Variants in EOMES observed in about 807,000 individuals in gnomAD.
EOMES encodes eomesodermin homolog.
In EOMES, 18 loss-of-function variants were observed where a neutral mutation model predicts 61.0. The observed-to-expected ratio is 0.30, with a 90% CI of 0.20 to 0.44. The LOEUF is 0.44. Ranked by LOEUF, EOMES falls within the 20% of genes least tolerant of loss-of-function variation. The pLI is 1.00. For missense variants in EOMES, 885 were observed against 939.2 expected (o/e 0.94, Z 0.75); for synonymous variants, 430 against 394.0 (o/e 1.09, Z -1.08).
In EOMES at chr3:27,721,928, CGGCGGCGG is replaced by C. The variant is rs2060618352; in HGVS notation, c.359_366del (p.Ala120GlyfsTer59). The stretch of plus-strand genomic sequence containing the variant: ...GTGGCCGCAGCCGCGGCGGCGGCGG[CGGCGGCGG>C]CTGCAGCGGCGGAGGGCAGCTCCTC... On this transcript the variant is annotated frameshift_variant, in exon 1 of 6. Transcript: ENST00000449599. LOFTEE classifies it high-confidence loss of function. The surrounding 1 kb of genome is among the most constrained non-coding windows in gnomAD (Gnocchi z 7.4). 1.4e-5 allele frequency: 19 copies of C among 1,366,268 alleles called. 1 individual carries two copies. Among genetic ancestry groups the C allele is most frequent in the South Asian group, 1.2e-4 (6 of 48,902 alleles). 84.6% of individuals were successfully genotyped at this position (1,366,268 alleles called of 1,614,324 possible). A position where few individuals can be genotyped will look rare whatever the true frequency, so the allele number is the denominator to read the frequency against.
In EOMES at chr3:27,718,783, G is replaced by C; in HGVS notation, c.1269C>G (p.Thr423=). The change falls in exon 4 of 6, where the codon ACC becomes ACG. Residue 423 remains threonine (T), a synonymous_variant. Transcript: ENST00000449599. ...CTGCAATGAATTGCGTTTCTGAGAAGGTAAAAGTCTGGGTCTTTGAGGGCT... is the reference window on the plus strand; with the variant it reads ...CTGCAATGAATTGCGTTTCTGAGAACGTAAAAGTCTGGGTCTTTGAGGGCT... ...LNEPSKTQTF[T]FSETQFIAVT... 1.2e-6 allele frequency: 2 copies of C among 1,614,174 alleles called. No individual in the cohort carries two copies. Among genetic ancestry groups the C allele is most frequent in the Middle Eastern group, 1.6e-4 (1 of 6,062 alleles).
Position 27,717,866 on chromosome 3 carries a change from C to T in EOMES, c.1380-58G>A, listed in dbSNP as rs1271793919. On this transcript the variant is annotated intron_variant, in intron 5 of 5. Coordinates refer to ENST00000449599, the MANE Select transcript of EOMES (RefSeq NM_001278182.2). This position sits in a 1 kb window ranked among gnomAD's most constrained non-coding sequence, Gnocchi z 4.5. ...AAAAAACCCTAATGTTGTCCCCAAA[C>T]AAACCACCTCCCAGAAATGAAAAAG... The T allele has an allele frequency of 2.4e-6, 3 of 1,237,672 alleles. No individual in the cohort carries two copies. In the African/African-American group the frequency reaches 4.7e-5, roughly 19 times the overall value. 76.7% of individuals were successfully genotyped at this position (1,237,672 alleles called of 1,614,324 possible).
upstream of EOMES, chr3:27,722,638 C>A: frequency 9.2e-7 from 1 of 1,081,612 alleles, no homozygotes; most frequent in Non-Finnish European, 1.1e-6. Flanking sequence ...ATCTTTGTCC[C>A]CATCCACCCA....
rs537381236 is a variant in EOMES, at chr3:27,721,492, T to G, written c.803A>C (p.His268Pro). 6.2e-7 allele frequency: 1 copy of G among 1,613,244 alleles called. No individual in the cohort carries two copies. Among genetic ancestry groups the G allele is most frequent in the Non-Finnish European group, 8.5e-7 (1 of 1,179,812 alleles). The change falls in exon 1 of 6, where the codon CAC (histidine) becomes CCC (proline). Residue 268 changes from histidine (H) to proline (P), a missense_variant. Around this residue, in one of 3 missense-constraint regions of EOMES, gnomAD observed 177 missense variants for 273.3 expected, o/e 0.65. Transcript: ENST00000449599. The surrounding 1 kb of genome is among the most constrained non-coding windows in gnomAD (Gnocchi z 7.4). ...CAGAGGCCGGTTGCACAGGTAGACG[T>G]GGGCACGGAAGCCAGAACCTGGAAC... The part of the protein sequence containing the change: ...LGVPGSGFRA[H>P]VYLCNRPLWL...
At chr3:27,719,309 A>G (rs1245881837) in intron 3 of EOMES, 51 bp downstream of exon 3, 1 of 1,582,174 alleles carries the variant, frequency 6.3e-7, no homozygotes, top group Non-Finnish European at 8.6e-7. Flanking sequence ...TATTAGAAAA[A>G]AGCCTTATAG....
chr3:27,717,539 A>T lies in EOMES; in HGVS notation c.1649T>A (p.Leu550Gln), dbSNP rs376067200. 1 of 1,614,068 alleles carries T rather than the reference A, an allele frequency of 6.2e-7. No homozygotes were observed. The highest frequency in any genetic ancestry group is 1.3e-5 in the African/African-American group (1 of 74,948). ...TTCAGATTCATAGGAACTGATGTCT[A>T]GTTTGTTGGTCCCAGGTTGCTGGAC... ...TPVQQPGTNK[L>Q]DISSYESEYT... The change falls in exon 6 of 6, where the codon CTA becomes CAA. Residue 550 changes from leucine (L) to glutamine (Q), a missense_variant. Leu to Gln is a moderately radical substitution (Grantham distance 113). Transcript: ENST00000449599. This position sits in a 1 kb window ranked among gnomAD's most constrained non-coding sequence, Gnocchi z 4.5.
chr3:27,719,437 G>A lies in EOMES; in HGVS notation c.1081C>T (p.His361Tyr). ...VHPESPNTGSHWMRQEISFGK... is the reference protein window; with the variant it reads ...VHPESPNTGSYWMRQEISFGK... Reference sequence around the variant, plus strand: ...AATGAAATCTCCTGTCTCATCCAGTGGGAACCAGTATTAGGAGACTCTGGG... The same window carrying A: ...AATGAAATCTCCTGTCTCATCCAGTAGGAACCAGTATTAGGAGACTCTGGG... Residue 361 changes from histidine (H) to tyrosine (Y), a missense_variant, in exon 3 of 6, where the codon CAC becomes TAC. His to Tyr is a moderately conservative substitution (Grantham distance 83). This residue lies in a region of EOMES where 177 missense variants were observed against 273.3 expected (regional missense o/e 0.65). Coordinates refer to ENST00000449599, the MANE Select transcript of EOMES (RefSeq NM_001278182.2). 1 of 1,612,628 alleles carries A rather than the reference G, an allele frequency of 6.2e-7. No individual in the cohort carries two copies. Among genetic ancestry groups the A allele is most frequent in the Non-Finnish European group, 8.5e-7 (1 of 1,178,656 alleles).
chr3:27,720,355 G>C (rs745658469), intron 1 of EOMES, 30 bp from the exon 2 acceptor site: 2 of 1,607,280 alleles, frequency 1.2e-6, no homozygotes, highest in Non-Finnish European at 1.7e-6. Flanking sequence ...CAGAAAAATC[G>C]ATTTTAATTG....
chr3:27,719,312 C>A lies in EOMES; in HGVS notation c.1158+48G>T, dbSNP rs769428330. The A allele has an allele frequency of 9.4e-6, 15 of 1,591,998 alleles. No homozygotes were observed. In the African/African-American group the frequency reaches 1.6e-4, roughly 17 times the overall value. On this transcript the variant is annotated intron_variant, in intron 3 of 5. Coordinates refer to ENST00000449599, the MANE Select transcript of EOMES (RefSeq NM_001278182.2). ...AGTAGGGACTCTTATTAGAAAAAAGCCTTATAGTCAAAGCCAGAAGATATC... is the reference window on the plus strand; with the variant it reads ...AGTAGGGACTCTTATTAGAAAAAAGACTTATAGTCAAAGCCAGAAGATATC...
Position 27,717,053 on chromosome 3 carries a change from G to C in EOMES, c.*17C>G. On this transcript the variant is annotated 3_prime_UTR_variant, in exon 6 of 6. Transcript: ENST00000449599. This position sits in a 1 kb window ranked among gnomAD's most constrained non-coding sequence, Gnocchi z 4.5. ...ATCTGCAAAAAGTTAGCTAATTTTT[G>C]AGGTTAAAATAACTCTTTAGGGAGT... 1 of 1,568,588 alleles carries C rather than the reference G, an allele frequency of 6.4e-7. No homozygotes were observed. The highest frequency in any genetic ancestry group is 1.2e-5 in the South Asian group (1 of 86,554).
intron 2 of EOMES, 60 bp downstream of exon 2, chr3:27,720,111 T>A: frequency 6.8e-7 from 1 of 1,465,104 alleles, no homozygotes; most frequent in Non-Finnish European, 9.2e-7. Flanking sequence ...GTTGTGTGAG[T>A]CGAGGGTTAC....
chr3:27,717,680 A>G lies in EOMES; in HGVS notation c.1508T>C (p.Leu503Ser), dbSNP rs1479664669. The change falls in exon 6 of 6, where the codon TTA (leucine) becomes TCA (serine). Residue 503 changes from leucine to serine, a missense_variant. By Grantham distance (145) the Leu-to-Ser change is moderately radical. This residue lies in a region of EOMES where 259 missense variants were observed against 282.3 expected (regional missense o/e 0.92). Coordinates refer to ENST00000449599, the MANE Select transcript of EOMES (RefSeq NM_001278182.2). This position sits in a 1 kb window ranked among gnomAD's most constrained non-coding sequence, Gnocchi z 4.5. ...SFFPEPFVNT[L>S]PQARYYNGER... ...GCCATTATAATAGCGGGCTTGAGGT[A>G]AAGTGTTGACAAAGGGCTCCGGGAA... The G allele has an allele frequency of 3.1e-6, 5 of 1,613,904 alleles. No homozygotes were observed. The South Asian group carries it at 3.3e-5, about 11-fold the overall frequency.
chr3:27,720,197 C>T lies in EOMES; in HGVS notation c.1010G>A (p.Cys337Tyr), dbSNP rs756371235. The T allele has an allele frequency of 6.2e-7, 1 of 1,602,356 alleles. No individual in the cohort carries two copies. Among genetic ancestry groups the T allele is most frequent in the South Asian group, 1.1e-5 (1 of 89,552 alleles). The stretch of plus-strand genomic sequence containing the variant: ...CTGCATGTTATTGTCGGCTTTGCCA[C>T]AGGTCACCCATTTGCCCCCCTGGAA... The part of the protein sequence containing the change: ...WRFQGGKWVT[C>Y]GKADNNMQGN... Residue 337 changes from cysteine to tyrosine, a missense_variant, in exon 2 of 6, where the codon TGT (cysteine) becomes TAT (tyrosine). Around this residue, in one of 3 missense-constraint regions of EOMES, gnomAD observed 177 missense variants for 273.3 expected, o/e 0.65. Transcript: ENST00000449599.
chr3:27,722,256 G>T lies in EOMES; in HGVS notation c.39C>A (p.Asn13Lys). Residue 13 changes from asparagine to lysine, a missense_variant, in exon 1 of 6, where the codon AAC (asparagine) becomes AAA (lysine). Asn to Lys is a moderately conservative substitution (Grantham distance 94, BLOSUM62 0). Transcript: ENST00000449599. ...LGEQLLVSSV[N>K]LPGAHFYPLE... ...GCGGGTAGAAGTGCGCGCCAGGCAGGTTCACTGAGCTCACCAAGAGCTGCT... is the reference window on the plus strand; with the variant it reads ...GCGGGTAGAAGTGCGCGCCAGGCAGTTTCACTGAGCTCACCAAGAGCTGCT... 2 of 1,602,858 alleles carry T rather than the reference G, an allele frequency of 1.2e-6. No homozygotes were observed. The highest frequency in any genetic ancestry group is 1.7e-6 in the Non-Finnish European group (2 of 1,175,746).
At chr3:27,722,557 T>A, upstream of EOMES, 1 of 1,279,574 alleles carries the variant, frequency 7.8e-7, no homozygotes, top group Non-Finnish European at 9.8e-7. Flanking sequence ...TCCTTTTCCT[T>A]CCTCGTACCT....
At position 27,721,997 on chromosome 3, in the gene EOMES, G is replaced by A. The variant is rs758047037; in HGVS notation, c.298C>T (p.Pro100Ser). The A allele has an allele frequency of 2.8e-5, 42 of 1,477,168 alleles. No individual in the cohort carries two copies. The South Asian group carries it at 4.8e-4, about 17-fold the overall frequency. 91.5% of individuals were successfully genotyped at this position (1,477,168 alleles called of 1,614,324 possible). A position where few individuals can be genotyped will look rare whatever the true frequency, so the allele number is the denominator to read the frequency against. Residue 100 changes from proline to serine, a missense_variant, in exon 1 of 6, where the codon CCC becomes TCC. Physicochemically the swap from Pro to Ser is moderately conservative, Grantham distance 74. Coordinates refer to ENST00000449599, the MANE Select transcript of EOMES (RefSeq NM_001278182.2). This position sits in a 1 kb window ranked among gnomAD's most constrained non-coding sequence, Gnocchi z 7.4. ...GGGGAGCCCTTGCGGCCGTCCGGGG[G>A]CCCCGGCTTGGCCACTGCCGCAGCG... The part of the protein sequence containing the change: ...ASAAAVAKPG[P>S]PDGRKGSPCG...
chr3:27,716,949 A>G lies in EOMES; in HGVS notation c.*121T>C. On this transcript the variant is annotated 3_prime_UTR_variant, in exon 6 of 6. Transcript: ENST00000449599. The stretch of plus-strand genomic sequence containing the variant: ...ACCTTCTTTTAGAGAATTGCACAAA[A>G]CAGGATGCATCAAGGTGGAAGGCAA... The G allele has an allele frequency of 2.8e-6, 2 of 709,878 alleles. No individual in the cohort carries two copies. Among genetic ancestry groups the G allele is most frequent in the Non-Finnish European group, 4.8e-6 (2 of 420,354 alleles). 44.0% of individuals were successfully genotyped at this position (709,878 alleles called of 1,614,324 possible).
rs554584200 is a variant in EOMES, at chr3:27,721,160, TG to T, written c.881+253del. Among the ~76,000 whole-genome samples, 612 of 152,264 alleles carry T rather than the reference TG, an allele frequency of 4.0e-3. 4 individuals carry two copies. Among genetic ancestry groups the T allele is most frequent in the Non-Finnish European group, 6.1e-3 (418 of 68,008 alleles). On this transcript the variant is annotated intron_variant, in intron 1 of 5. Coordinates refer to ENST00000449599, the MANE Select transcript of EOMES (RefSeq NM_001278182.2). The surrounding 1 kb of genome is among the most constrained non-coding windows in gnomAD (Gnocchi z 7.4). ...TTTCCATTTCCGCCTCCTCCAGGTCTGTTCAGGTGAGGATGATGGGAGGGAA... is the reference window on the plus strand; with the variant it reads ...TTTCCATTTCCGCCTCCTCCAGGTCTTTCAGGTGAGGATGATGGGAGGGAA...
chr3:27,718,185 G>A (rs551219490), intron 5 of EOMES, among the ~76,000 whole-genome samples: 20 of 151,734 alleles, frequency 1.3e-4, no homozygotes, highest in African/African-American at 1.9e-4. Context: ...TTGCTATTTC[G>A]TGTTGTGAAA....
Sources: gnomAD v4.1 joint callset for allele counts (sites outside exome capture counted in the v4.1 genomes callset) on GRCh38, gnomAD v4.1.1 for gene constraint, gnomAD v4.1.1 regional missense constraint, Gnocchi (gnomAD v3.1) non-coding constraint, MANE v1.5 for transcripts, NCBI Gene and HGNC (gene_info 2026-07-23, HGNC 2026-07-21) for gene names.